Variants in BCL11B observed in about 807,000 individuals in gnomAD.
BCL11B encodes B-cell lymphoma/leukemia 11B.
A neutral mutation model predicts 49.9 loss-of-function variants in BCL11B; 8 were observed. The ratio of observed to expected loss-of-function variants is 0.16; its 90% CI spans 0.09 to 0.29. The LOEUF is 0.29. Ranked by LOEUF, BCL11B falls within the 10% of genes least tolerant of loss-of-function variation. The pLI is 1.00. For synonymous variants in BCL11B, 739 were observed against 637.4 expected, an observed-to-expected ratio of 1.16 and a Z score of -2.40; for missense variants, 1,006 against 1,351.0, an observed-to-expected ratio of 0.74 and a Z score of 4.00.
At chr14:99,206,712 T>C (rs1264095102) in intron 3 of BCL11B, among the ~76,000 whole-genome samples, 1 of 152,236 alleles carries the variant, frequency 6.6e-6, no homozygotes, top group Non-Finnish European at 1.5e-5. Flanking sequence ...ATTTCATTAT[T>C]AATTATTGTT....
intron 3 of BCL11B, among the ~76,000 whole-genome samples, chr14:99,229,165 T>C (rs913275234): frequency 2.7e-5 from 4 of 149,996 alleles, no homozygotes; most frequent in Non-Finnish European, 5.9e-5. Context: ...GACGGACGGA[T>C]AGACGTGAGC....
In BCL11B at chr14:99,175,368, C is replaced by G; in HGVS notation, c.1468G>C (p.Asp490His). ...GGGGAGCTGGCGGCCGAGAGCCCGT[C>G]GTCGGAGCGGCCGGCCAGCGAGCCG... Reference protein sequence around the residue: ...KAGSLAGRSDDGLSAASSPEP... With the variant: ...KAGSLAGRSDHGLSAASSPEP... Residue 490 changes from aspartate to histidine, a missense_variant, in exon 4 of 4, where the codon GAC becomes CAC. Physicochemically the swap from Asp to His is moderately conservative, Grantham distance 81. This residue lies in a region of BCL11B where 443 missense variants were observed against 499.7 expected (regional missense o/e 0.89). Coordinates refer to ENST00000357195, the MANE Select transcript of BCL11B (RefSeq NM_138576.4). The G allele has an allele frequency of 6.3e-7, 1 of 1,582,118 alleles. No homozygotes were observed. The highest frequency in any genetic ancestry group is 8.6e-7 in the Non-Finnish European group (1 of 1,168,998).
intron 3 of BCL11B, among the ~76,000 whole-genome samples, chr14:99,193,533 G>A (rs1792992137): frequency 6.6e-6 from 1 of 152,062 alleles, no homozygotes; most frequent in African/African-American, 2.4e-5. Flanking sequence ...ACATGCCGGA[G>A]AACTCGGATT....
chr14:99,176,577 C>T lies in BCL11B; in HGVS notation c.641-382G>A, dbSNP rs368888224. On this transcript the variant is annotated intron_variant, in intron 3 of 3. Transcript: ENST00000357195. Reference sequence around the variant, plus strand: ...GTCAAGGCTGGACTGTGTAACAGCCCTGGCAAATCCCAGCCCTCGAGGATG... The same window carrying T: ...GTCAAGGCTGGACTGTGTAACAGCCTTGGCAAATCCCAGCCCTCGAGGATG... Among the ~76,000 whole-genome samples the T allele has an allele frequency of 2.0e-3, 300 of 152,364 alleles. 3 individuals carry two copies. In the Middle Eastern group the frequency reaches 0.037, roughly 19 times the overall value.
At chr14:99,221,019 T>C (rs1887992698) in intron 3 of BCL11B, among the ~76,000 whole-genome samples, 1 of 151,960 alleles carries the variant, frequency 6.6e-6, no homozygotes, top group Non-Finnish European at 1.5e-5. Flanking sequence ...CCCAGCTACA[T>C]TTTTTTATAT....
chr14:99,253,339 G>C (rs1889062589), intron 2 of BCL11B, among the ~76,000 whole-genome samples: 1 of 152,216 alleles, frequency 6.6e-6, no homozygotes, highest in Admixed American at 6.5e-5. Context: ...GACACTGCCT[G>C]TGATGGTGGA....
chr14:99,172,393 A>G lies in BCL11B; in HGVS notation c.*1758T>C. The G allele has an allele frequency of 4.6e-6, 1 of 218,388 alleles. No individual in the cohort carries two copies. The highest frequency in any genetic ancestry group is 9.1e-6 in the Non-Finnish European group (1 of 109,364). 13.5% of individuals were successfully genotyped at this position (218,388 alleles called of 1,614,324 possible). A position where few individuals can be genotyped will look rare whatever the true frequency, so the allele number is the denominator to read the frequency against. On this transcript the variant is annotated 3_prime_UTR_variant, in exon 4 of 4. Coordinates refer to ENST00000357195, the MANE Select transcript of BCL11B (RefSeq NM_138576.4). ...TGGCATTTCATATCCTCTATCTTCAACCAGAATTTTTTTTTTTTTTACTTA... is the reference window on the plus strand; with the variant it reads ...TGGCATTTCATATCCTCTATCTTCAGCCAGAATTTTTTTTTTTTTTACTTA...
At chr14:99,236,388 T>G (rs1461787034) in intron 2 of BCL11B, among the ~76,000 whole-genome samples, 2 of 152,172 alleles carry the variant, frequency 1.3e-5, no homozygotes, top group African/African-American at 4.8e-5. Context: ...CATTTAAAAA[T>G]CATTATCCTG....
intron 1 of BCL11B, among the ~76,000 whole-genome samples, chr14:99,269,838 C>T (rs1158133319): frequency 1.5e-5 from 2 of 130,572 alleles, no homozygotes; most frequent in African/African-American, 3.0e-5. Flanking sequence ...CCCGCGGTCT[C>T]GATGGCACCC....
At chr14:99,216,108 A>C (rs1887828171) in intron 3 of BCL11B, among the ~76,000 whole-genome samples, 1 of 152,264 alleles carries the variant, frequency 6.6e-6, no homozygotes, top group African/African-American at 2.4e-5. Flanking sequence ...TTCACAGGCC[A>C]GCTGCTGCTT....
At position 99,271,640 on chromosome 14, in the gene BCL11B, T is replaced by C. The variant is rs1429202435; in HGVS notation, c.-422A>G. On this transcript the variant is annotated 5_prime_UTR_variant, in exon 1 of 4. Coordinates refer to ENST00000357195, the MANE Select transcript of BCL11B (RefSeq NM_138576.4). Reference sequence around the variant, plus strand: ...GCTTGGCCTCTTGCACTTGCAAATGTCTTCTTGAACTTAAACTGGGTTTTG... The same window carrying C: ...GCTTGGCCTCTTGCACTTGCAAATGCCTTCTTGAACTTAAACTGGGTTTTG... The C allele has an allele frequency of 5.0e-6, 1 of 198,968 alleles. No homozygotes were observed. Among genetic ancestry groups the C allele is most frequent in the Non-Finnish European group, 1.0e-5 (1 of 95,728 alleles). 12.3% of individuals were successfully genotyped at this position (198,968 alleles called of 1,614,324 possible).
At position 99,172,261 on chromosome 14, in the gene BCL11B, T is replaced by C. The variant is rs913074034; in HGVS notation, c.*1890A>G. The C allele has an allele frequency of 2.2e-5, 5 of 226,402 alleles. No individual in the cohort carries two copies. The highest frequency in any genetic ancestry group is 4.4e-5 in the Non-Finnish European group (5 of 113,600). The allele number at this position is 226,402 out of a possible 1,614,324, so 14.0% of individuals were successfully genotyped here. ...TAATTCAGCAGTAAATCACCTCCAC[T>C]CCATATCTAAGCAGCGTTGTCCCAA... is the stretch of plus-strand genomic sequence containing the variant. On this transcript the variant is annotated 3_prime_UTR_variant, in exon 4 of 4. Coordinates refer to ENST00000357195, the MANE Select transcript of BCL11B (RefSeq NM_138576.4).
chr14:99,184,802 A>G lies in BCL11B; in HGVS notation c.641-8607T>C, dbSNP rs144656198. Among the ~76,000 whole-genome samples, 66 of 152,346 alleles carry G rather than the reference A, an allele frequency of 4.3e-4. No homozygotes were observed. Among genetic ancestry groups the G allele is most frequent in the African/African-American group, 1.6e-3 (65 of 41,568 alleles). On this transcript the variant is annotated intron_variant, in intron 3 of 3. Coordinates refer to ENST00000357195, the MANE Select transcript of BCL11B (RefSeq NM_138576.4). This position sits in a 1 kb window ranked among gnomAD's most constrained non-coding sequence, Gnocchi z 6.1. ...CAGAAGAAAGAGGCTGCACACAGCG[A>G]GAAAACCTCGCTCACCCCATAGTGT...
At chr14:99,179,384 G>T (rs946030230) in intron 3 of BCL11B, among the ~76,000 whole-genome samples, 56 of 144,532 alleles carry the variant, frequency 3.9e-4, no homozygotes, top group African/African-American at 1.3e-3. Flanking sequence ...TGAGGCAGGA[G>T]AATCGCTTGA....
intron 3 of BCL11B, among the ~76,000 whole-genome samples, chr14:99,216,542 C>T (rs1887839373): frequency 6.6e-6 from 1 of 152,164 alleles, no homozygotes; most frequent in Admixed American, 6.5e-5. Flanking sequence ...TGGGCTCCCT[C>T]TGAGATTGGG....
chr14:99,236,309 GA>G (rs534922024), intron 2 of BCL11B, among the ~76,000 whole-genome samples: 1 of 151,766 alleles, frequency 6.6e-6, no homozygotes, highest in Non-Finnish European at 1.5e-5. Flanking sequence ...AAGGATGATA[GA>G]AAAAAAATGC....
chr14:99,210,065 C>T (rs141725682), intron 3 of BCL11B, among the ~76,000 whole-genome samples: 116 of 152,202 alleles, frequency 7.6e-4, no homozygotes, highest in African/African-American at 2.5e-3. Flanking sequence ...AATTAAGTTT[C>T]AATTCCTGGG....
chr14:99,222,665 G>A (rs1165846324), intron 3 of BCL11B, among the ~76,000 whole-genome samples: 2 of 152,074 alleles, frequency 1.3e-5, no homozygotes, highest in African/African-American at 4.8e-5. Flanking sequence ...TCCAGCCAGG[G>A]CTGGAGGAAG....
chr14:99,219,042 C>A (rs1194352060), intron 3 of BCL11B, among the ~76,000 whole-genome samples: 1 of 121,362 alleles, frequency 8.2e-6, no homozygotes, highest in African/African-American at 3.1e-5. Flanking sequence ...TTTTTTATTT[C>A]TTCTTTTTTT....
Sources: gnomAD v4.1 joint callset for allele counts (sites outside exome capture counted in the v4.1 genomes callset) on GRCh38, gnomAD v4.1.1 for gene constraint, gnomAD v4.1.1 regional missense constraint, Gnocchi (gnomAD v3.1) non-coding constraint, MANE v1.5 for transcripts, NCBI Gene and HGNC (gene_info 2026-07-23, HGNC 2026-07-21) for gene names.